SLC4A4: variants seen among roughly 807,000 people sequenced by gnomAD.
SLC4A4 encodes the protein solute carrier family 4 member 4, also known as electrogenic sodium bicarbonate cotransporter 1.
In SLC4A4, 27 loss-of-function variants were observed where a neutral mutation model predicts 111.5. That is an observed-to-expected ratio of 0.24 (90% CI 0.18 to 0.33). The LOEUF (loss-of-function observed/expected upper bound fraction) is 0.33, where lower values mean the gene tolerates loss of function less well. Ranked by LOEUF, SLC4A4 falls within the 10% of genes least tolerant of loss-of-function variation. The pLI, the probability that SLC4A4 is intolerant of heterozygous loss-of-function variation, is 1.00. For synonymous variants in SLC4A4, 443 were observed against 463.4 expected (o/e 0.96, Z 0.57); for missense variants, 909 against 1,315.5 (o/e 0.69, Z 4.78).
At chr4:71,272,457 C>A (rs1464190336) in intron 3 of SLC4A4, among the ~76,000 whole-genome samples, 1 of 152,128 alleles carries the variant, frequency 6.6e-6, no homozygotes, top group Admixed American at 6.5e-5. Context: ...AGACACAGAT[C>A]TTCCTGGCTC....
intron 3 of SLC4A4, among the ~76,000 whole-genome samples, chr4:71,302,405 C>T (rs1725345188): frequency 6.6e-6 from 1 of 152,150 alleles, no homozygotes. Context: ...TTCTGTGACT[C>T]TGATTTTTCT....
intron 1 of SLC4A4, among the ~76,000 whole-genome samples, chr4:71,232,117 TC>T (rs1292054480): frequency 6.6e-6 from 1 of 152,202 alleles, no homozygotes; most frequent in African/African-American, 2.4e-5. Flanking sequence ...TTTGCCTCAC[TC>T]ACCTCTTTTT....
At chr4:71,480,081 G>A (rs540918560) in intron 14 of SLC4A4, among the ~76,000 whole-genome samples, 9 of 148,472 alleles carry the variant, frequency 6.1e-5, no homozygotes, top group Non-Finnish European at 1.0e-4. Flanking sequence ...GAATGCAGTG[G>A]CATGATCATA....
At chr4:71,375,002 C>A (rs1239089668) in intron 6 of SLC4A4, among the ~76,000 whole-genome samples, 2 of 152,176 alleles carry the variant, frequency 1.3e-5, no homozygotes, top group African/African-American at 4.8e-5. Flanking sequence ...GATTATACCT[C>A]CAGTATACCA....
intron 6 of SLC4A4, among the ~76,000 whole-genome samples, chr4:71,381,761 G>C (rs1718164347): frequency 6.6e-6 from 1 of 152,110 alleles, no homozygotes; most frequent in Non-Finnish European, 1.5e-5. Context: ...GTGTCACCCA[G>C]GCTGGAGTGA....
rs1308205174 is a variant in SLC4A4 at position 71,302,281 on chromosome 4, T to G, written c.254-37089T>G. 3.3e-5 allele frequency among the ~76,000 whole-genome samples: 5 copies of G among 152,340 alleles called. No homozygotes were observed. In the East Asian group the frequency reaches 9.6e-4, roughly 29 times the overall value. The stretch of plus-strand genomic sequence containing the variant: ...ATAATGATTTTTTAAAAATCTTGAT[T>G]CTGCTAGTAACTTGCTGAGCCTGGA... On this transcript the variant is annotated intron_variant, in intron 3 of 25. Coordinates refer to ENST00000264485, the MANE Select transcript of SLC4A4 (RefSeq NM_001098484.3).
At chr4:71,444,812 T>G (rs35892257) in intron 8 of SLC4A4, among the ~76,000 whole-genome samples, 23,060 of 152,230 alleles carry the variant, frequency 0.15, 1,989 homozygotes, top group South Asian at 0.29. Flanking sequence ...AGAAGCTTCT[T>G]AAAGGTGTCC....
chr4:71,227,975 C>A (rs796584935), intron 1 of SLC4A4, among the ~76,000 whole-genome samples: 2 of 152,130 alleles, frequency 1.3e-5, no homozygotes, highest in South Asian at 2.1e-4. Flanking sequence ...AAGCAGCACA[C>A]GGTCTTTGTG....
chr4:71,214,357 T>G (rs888953661), intron 1 of SLC4A4, among the ~76,000 whole-genome samples: 1 of 152,174 alleles, frequency 6.6e-6, no homozygotes, highest in Non-Finnish European at 1.5e-5. Context: ...TTTCTAGGAT[T>G]TCCAGGTACA....
intron 6 of SLC4A4, among the ~76,000 whole-genome samples, chr4:71,366,142 A>C (rs184638725): frequency 3.9e-5 from 6 of 152,264 alleles, no homozygotes; most frequent in Admixed American, 2.6e-4. Flanking sequence ...TGCTGGTATA[A>C]TCTTGGGTTA....
chr4:71,190,398 AC>A (rs1745674642), intron 1 of SLC4A4, among the ~76,000 whole-genome samples: 17 of 127,366 alleles, frequency 1.3e-4, no homozygotes, highest in African/African-American at 6.4e-4. Context: ...ACACACACAC[AC>A]ACACACACAC....
upstream of SLC4A4, among the ~76,000 whole-genome samples, chr4:71,183,461 A>G (rs1053732404): frequency 2.6e-5 from 4 of 152,212 alleles, no homozygotes; most frequent in African/African-American, 9.6e-5. Context: ...TGAGGAAGAG[A>G]ATGTTAATTA....
chr4:71,528,142 G>A (rs1185564639), intron 16 of SLC4A4, among the ~76,000 whole-genome samples: 1 of 152,056 alleles, frequency 6.6e-6, no homozygotes, highest in Non-Finnish European at 1.5e-5. Flanking sequence ...AATTATATTG[G>A]ATAATTGGAC....
At chr4:71,244,569 C>T (rs757707175) in intron 2 of SLC4A4, among the ~76,000 whole-genome samples, 12 of 152,040 alleles carry the variant, frequency 7.9e-5, no homozygotes, top group African/African-American at 1.7e-4. Context: ...CAGGATTAAC[C>T]GCATAAATTT....
chr4:71,271,029 G>A (rs1477680460), intron 3 of SLC4A4, among the ~76,000 whole-genome samples: 1 of 152,178 alleles, frequency 6.6e-6, no homozygotes, highest in African/African-American at 2.4e-5. Context: ...GGTAAGCATG[G>A]TGGCTGCTGT....
chr4:71,157,395 T>C (rs929593006), intron 2 of SLC4A4, among the ~76,000 whole-genome samples: 1 of 152,122 alleles, frequency 6.6e-6, no homozygotes, highest in African/African-American at 2.4e-5. Context: ...ATCAAACTGG[T>C]AATTGGAAAA....
chr4:71,481,470 C>T lies in SLC4A4; in HGVS notation c.1904-5478C>T, dbSNP rs147846587. ...CTCCCCTATGCAAGAGGTGTGCCAACACTGACACATGGATGTCACCTCCTT... is the reference window on the plus strand; with the variant it reads ...CTCCCCTATGCAAGAGGTGTGCCAATACTGACACATGGATGTCACCTCCTT... On this transcript the variant is annotated intron_variant, in intron 14 of 25. Transcript: ENST00000264485. Among the ~76,000 whole-genome samples, 550 of 151,802 alleles carry T rather than the reference C, an allele frequency of 3.6e-3. 4 individuals carry two copies. The highest frequency in any genetic ancestry group is 0.013 in the African/African-American group (527 of 41,488).
chr4:71,075,957 C>CTAAATAAATAAATAAATAAATAAA (rs66711227), intron 1 of SLC4A4, among the ~76,000 whole-genome samples: 1 of 140,194 alleles, frequency 7.1e-6, no homozygotes, highest in South Asian at 2.4e-4. Flanking sequence ...GACTCCATCT[C>CTAAATAAATAAATAAATAAATAAA]TAAATAAATA....
intron 16 of SLC4A4, 82 bp from the exon 17 acceptor site, chr4:71,531,980 A>G (rs1733973222): frequency 2.5e-6 from 2 of 812,572 alleles, no homozygotes; most frequent in African/African-American, 1.7e-5. Flanking sequence ...TAGCAAATAC[A>G]AAGTTCTTCA....
Sources: allele counts gnomAD v4.1 joint callset (sites outside exome capture counted in the v4.1 genomes callset), GRCh38; gene constraint gnomAD v4.1.1; transcripts MANE v1.5; gene names NCBI Gene and HGNC (gene_info 2026-07-23, HGNC 2026-07-21).